Variants in SCEL observed in about 807,000 individuals in gnomAD.
SCEL encodes the protein sciellin.
In SCEL, 113 loss-of-function variants were observed where a neutral mutation model predicts 117.6. That is an observed-to-expected ratio of 0.96 (90% CI 0.83 to 1.12). SCEL has a LOEUF of 1.12. Among genes scored for constraint, SCEL ranks in the 50% most tolerant of loss-of-function variants. The pLI is 0.00. For missense variants in SCEL, 785 were observed against 810.8 expected, an observed-to-expected ratio of 0.97 and a Z score of 0.39; for synonymous variants, 270 against 256.2, an observed-to-expected ratio of 1.05 and a Z score of -0.51.
chr13:77,562,558 C>T (rs1342311650), intron 4 of SCEL, among the ~76,000 whole-genome samples: 2 of 152,196 alleles, frequency 1.3e-5, no homozygotes, highest in Non-Finnish European at 2.9e-5. Flanking sequence ...ACCTAGAAAT[C>T]AGCTTTCTCA....
chr13:77,587,702 T>G (rs1481587712), intron 9 of SCEL, among the ~76,000 whole-genome samples: 1 of 152,232 alleles, frequency 6.6e-6, no homozygotes, highest in Admixed American at 6.5e-5. Flanking sequence ...GCTTGGCTTC[T>G]GGGATGCCAC....
intron 9 of SCEL, among the ~76,000 whole-genome samples, chr13:77,579,929 A>G (rs2086174637): frequency 6.6e-6 from 1 of 152,196 alleles, no homozygotes; most frequent in Admixed American, 6.5e-5. Flanking sequence ...GTATGCATAG[A>G]ACTATAGGCT....
intron 29 of SCEL, among the ~76,000 whole-genome samples, chr13:77,636,395 A>G (rs1396980924): frequency 2.0e-5 from 3 of 152,242 alleles, no homozygotes; most frequent in Non-Finnish European, 4.4e-5. Context: ...AGAGAAAGAT[A>G]GGTTTCTCAT....
chr13:77,638,750 C>T (rs1042211019), intron 30 of SCEL, among the ~76,000 whole-genome samples: 2 of 152,134 alleles, frequency 1.3e-5, no homozygotes, highest in African/African-American at 4.8e-5. Context: ...TTTGCACATT[C>T]TCCATGGCCC....
chr13:77,545,011 T>C lies in SCEL; in HGVS notation c.-20+9187T>C, dbSNP rs527650012. 3.4e-4 allele frequency among the ~76,000 whole-genome samples: 52 copies of C among 152,368 alleles called. No individual in the cohort carries two copies. The South Asian group carries it at 0.011, about 31-fold the overall frequency. ...CCTCTCTCCTCAGACTTTGACGTTA[T>C]GATTTTACATCATAATTTTCAACAC... On this transcript the variant is annotated intron_variant, in intron 1 of 32. Coordinates refer to ENST00000349847, the MANE Select transcript of SCEL (RefSeq NM_144777.3).
intron 27 of SCEL, among the ~76,000 whole-genome samples, chr13:77,621,389 C>T (rs1046487704): frequency 1.3e-5 from 2 of 152,130 alleles, no homozygotes; most frequent in African/African-American, 4.8e-5. Context: ...CCTCACTCCT[C>T]CTTCATCGCG....
intron 23 of SCEL, 80 bp from the exon 24 acceptor site, chr13:77,613,813 C>T: frequency 9.5e-7 from 1 of 1,050,830 alleles, no homozygotes; most frequent in Non-Finnish European, 1.5e-6. Context: ...CACTAGGATT[C>T]TATTGAATGA....
At chr13:77,536,180 A>G (rs899050016) in intron 1 of SCEL, among the ~76,000 whole-genome samples, 3 of 152,070 alleles carry the variant, frequency 2.0e-5, no homozygotes, top group Non-Finnish European at 2.9e-5. Flanking sequence ...CGACTATACA[A>G]ACATTTTTTA....
chr13:77,555,558 T>A (rs1340980138), intron 1 of SCEL, among the ~76,000 whole-genome samples: 1 of 152,210 alleles, frequency 6.6e-6, no homozygotes, highest in Non-Finnish European at 1.5e-5. Flanking sequence ...CTGTAAGCAT[T>A]CCATGCGTAA....
rs145617256 is a variant in SCEL at position 77,572,188 on chromosome 13, C to T, written c.544C>T (p.Arg182Trp). The change falls in exon 9 of 33, where the codon CGG becomes TGG. Residue 182 changes from arginine to tryptophan, a missense_variant and splice_region_variant. By Grantham distance (101) the Arg-to-Trp change is moderately radical (BLOSUM62 -3). Transcript: ENST00000349847. ...NASSSTGTRR[R>W]EPGVHPPIPP... ...CTCCTCGAGCACAGGAACCAGGAGA[C>T]GGTAAGGGAAAGGTGTCAGGCGTAA... 92 of 1,609,248 alleles carry T rather than the reference C, an allele frequency of 5.7e-5. No homozygotes were observed. Among genetic ancestry groups the T allele is most frequent in the South Asian group, 1.9e-4 (17 of 90,524 alleles).
At chr13:77,593,837 A>G (rs950817099) in intron 12 of SCEL, among the ~76,000 whole-genome samples, 18 of 152,062 alleles carry the variant, frequency 1.2e-4, no homozygotes. Flanking sequence ...CCTCATTCCA[A>G]ATATCCAGTC....
intron 4 of SCEL, among the ~76,000 whole-genome samples, chr13:77,561,065 T>A (rs1420526873): frequency 6.6e-6 from 1 of 152,240 alleles, no homozygotes; most frequent in Non-Finnish European, 1.5e-5. Flanking sequence ...TTCTGTGATC[T>A]GGCAGACTCT....
intron 8 of SCEL, among the ~76,000 whole-genome samples, chr13:77,571,272 C>T (rs1199391374): frequency 6.7e-6 from 1 of 149,678 alleles, no homozygotes; most frequent in Admixed American, 6.6e-5. Context: ...GAAACCTCGT[C>T]CCAGCAACTC....
intron 19 of SCEL, among the ~76,000 whole-genome samples, chr13:77,606,132 G>A (rs1240752662): frequency 1.3e-5 from 2 of 152,196 alleles, no homozygotes; most frequent in African/African-American, 2.4e-5. Context: ...CTACATGTAT[G>A]TGTCTATATG....
intron 7 of SCEL, 107 bp downstream of exon 7, chr13:77,568,440 C>T: frequency 1.5e-6 from 1 of 652,414 alleles, no homozygotes; most frequent in Non-Finnish European, 2.6e-6. Context: ...GCCCCTATTG[C>T]TCTGGCAGAG....
chr13:77,577,498 T>C (rs1179133982), intron 9 of SCEL, among the ~76,000 whole-genome samples: 1 of 152,038 alleles, frequency 6.6e-6, no homozygotes, highest in East Asian at 1.9e-4. Context: ...TCCAATCACC[T>C]CCACCTGGTC....
At chr13:77,588,825 C>G (rs2154399842) in intron 9 of SCEL, among the ~76,000 whole-genome samples, 1 of 152,194 alleles carries the variant, frequency 6.6e-6, no homozygotes, top group Non-Finnish European at 1.5e-5. Flanking sequence ...CACTGCTGAC[C>G]TGAAATGCCA....
chr13:77,593,296 G>GTGTGCGCGTC (rs754104287), intron 11 of SCEL, among the ~76,000 whole-genome samples: 1 of 53,630 alleles, frequency 1.9e-5, no homozygotes, highest in African/African-American at 1.6e-4. Context: ...GTGTGTGTGT[G>GTGTGCGCGTC]TCTGTGTGTG....
At chr13:77,613,775 G>A (rs2088836879) in intron 23 of SCEL, 118 bp from the exon 24 acceptor site, 1 of 783,038 alleles carries the variant, frequency 1.3e-6, no homozygotes, top group South Asian at 1.5e-5. Context: ...TATATAAATT[G>A]GAAACTCAGT....
Sources: gnomAD v4.1 joint callset for allele counts (sites outside exome capture counted in the v4.1 genomes callset) on GRCh38, gnomAD v4.1.1 for gene constraint, MANE v1.5 for transcripts, NCBI Gene and HGNC (gene_info 2026-07-23, HGNC 2026-07-21) for gene names.